HERC1: variants seen among roughly 807,000 people sequenced by gnomAD.
HERC1 encodes the protein HECT and RLD domain containing E3 ubiquitin protein ligase family member 1, also known as probable E3 ubiquitin-protein ligase HERC1.
A neutral mutation model predicts 554.3 loss-of-function variants in HERC1; 160 were observed. The observed-to-expected ratio is 0.29, with a 90% CI of 0.25 to 0.33. HERC1 has a LOEUF of 0.33. HERC1 is among the 10% of genes least tolerant of loss of function. The pLI, the probability that HERC1 is intolerant of heterozygous loss-of-function variation, is 1.00. For missense variants in HERC1, 4,919 were observed against 5,918.5 expected (o/e 0.83, Z 5.54); for synonymous variants, 2,175 against 2,131.7 (o/e 1.02, Z -0.56).
At chr15:63,724,642 TA>T (rs1596074102) in intron 18 of HERC1, among the ~76,000 whole-genome samples, 1 of 152,200 alleles carries the variant, frequency 6.6e-6, no homozygotes, top group African/African-American at 2.4e-5. Flanking sequence ...GTAGCCTGTC[TA>T]ATCCAAATCA....
chr15:63,710,371 C>T (rs1441473456), intron 24 of HERC1, among the ~76,000 whole-genome samples: 2 of 152,068 alleles, frequency 1.3e-5, no homozygotes, highest in Admixed American at 6.5e-5. Flanking sequence ...ACTCCAGAAA[C>T]AGGTAATAGG....
rs2070389072 is a variant in HERC1 at position 63,662,138 on chromosome 15, G to A, written c.8902-117C>T. Reference sequence around the variant, plus strand: ...ACATATGCTAGAATATTTCCAACATGTTCATTAATGCTAAATAAAAAATTT... The same window carrying A: ...ACATATGCTAGAATATTTCCAACATATTCATTAATGCTAAATAAAAAATTT... On this transcript the variant is annotated intron_variant, in intron 44 of 77. Transcript: ENST00000443617. 4 of 1,072,944 alleles carry A rather than the reference G, an allele frequency of 3.7e-6. No homozygotes were observed. The African/African-American group carries it at 4.8e-5, about 13-fold the overall frequency. 66.5% of individuals were successfully genotyped at this position (1,072,944 alleles called of 1,614,324 possible).
intron 31 of HERC1, among the ~76,000 whole-genome samples, chr15:63,691,617 T>A (rs562242199): frequency 6.6e-6 from 1 of 152,242 alleles, no homozygotes; most frequent in African/African-American, 2.4e-5. Flanking sequence ...TCTTGAAACT[T>A]AATATAAGCC....
At chr15:63,636,490 T>C (rs371470472) in intron 64 of HERC1, among the ~76,000 whole-genome samples, 1 of 152,174 alleles carries the variant, frequency 6.6e-6, no homozygotes, top group African/African-American at 2.4e-5. Context: ...AGGCTGGTCA[T>C]GAACTCCTGA....
chr15:63,770,178 G>A (rs1252605395), intron 2 of HERC1, among the ~76,000 whole-genome samples: 1 of 152,022 alleles, frequency 6.6e-6, no homozygotes, highest in Non-Finnish European at 1.5e-5. Flanking sequence ...CAATCGCTTT[G>A]TGAGCCTCTC....
At position 63,623,803 on chromosome 15, in the gene HERC1, C is replaced by T. The variant is rs765869181; in HGVS notation, c.13533G>A (p.Ala4511=). 2.9e-5 allele frequency: 46 copies of T among 1,613,762 alleles called. No individual in the cohort carries two copies. The Middle Eastern group carries it at 6.6e-4, about 23-fold the overall frequency. The change falls in exon 73 of 78, where the codon GCG becomes GCA. Residue 4511 remains alanine, a synonymous_variant. Coordinates refer to ENST00000443617, the MANE Select transcript of HERC1 (RefSeq NM_003922.4). ...CTTCTCCAACCAGCTTAACCTTCCA[C>T]GCTCGGGAAGGCAGGCGGAGGTCTG... ...NASDLRLPSR[A]WKVKLVGEGA... is the part of the protein sequence containing the mutation.
rs1247712698 is a variant in HERC1, at chr15:63,634,774, G to C, written c.12529C>G (p.Pro4177Ala). The C allele has an allele frequency of 1.9e-6, 3 of 1,613,310 alleles. No homozygotes were observed. The highest frequency in any genetic ancestry group is 8.5e-7 in the Non-Finnish European group (1 of 1,179,576). The change falls in exon 66 of 78, where the codon CCA (proline) becomes GCA (alanine). Residue 4177 changes from proline (P) to alanine (A), a missense_variant. Physicochemically the swap from Pro to Ala is conservative, Grantham distance 27 (BLOSUM62 -1). Transcript: ENST00000443617. ...CCCTCCAGTGCAGTCACTCTCTCTGGAAGTTTTTTGTTAGAGGTATTTCCA... is the reference window on the plus strand; with the variant it reads ...CCCTCCAGTGCAGTCACTCTCTCTGCAAGTTTTTTGTTAGAGGTATTTCCA... ...GLGNTSNKKL[P>A]ERVTALEGYQ...
At position 63,832,535 on chromosome 15, in the gene HERC1, C is replaced by A. The variant is rs539924034; in HGVS notation, c.-27+1292G>T. ...ACTATGAATAATCATAGTTTCTTTC[C>A]CTTCTACAAATACTGCCCCATTTTG... On this transcript the variant is annotated intron_variant, in intron 1 of 77. Coordinates refer to ENST00000443617, the MANE Select transcript of HERC1 (RefSeq NM_003922.4). Among the ~76,000 whole-genome samples, 171 of 152,258 alleles carry A rather than the reference C, an allele frequency of 1.1e-3. 1 individual carries two copies. Among genetic ancestry groups the A allele is most frequent in the Non-Finnish European group, 2.2e-3 (147 of 68,016 alleles).
intron 34 of HERC1, among the ~76,000 whole-genome samples, chr15:63,682,970 T>C (rs1027472958): frequency 2.0e-5 from 3 of 151,608 alleles, no homozygotes; most frequent in Non-Finnish European, 4.4e-5. Flanking sequence ...ACCTTATATC[T>C]ACTAAAAACA....
intron 34 of HERC1, among the ~76,000 whole-genome samples, chr15:63,684,394 T>C (rs991757724): frequency 2.0e-5 from 3 of 152,190 alleles, no homozygotes; most frequent in Admixed American, 1.3e-4. Flanking sequence ...TAAACCTATT[T>C]TGAAAAAAAT....
rs1425045157 is a variant in HERC1, at chr15:63,636,711, C to T, written c.12233-569G>A. On this transcript the variant is annotated intron_variant, in intron 64 of 77. Coordinates refer to ENST00000443617, the MANE Select transcript of HERC1 (RefSeq NM_003922.4). ...TTAATGACTGGCTATGCTCTAGCCACTCCTATAAATGCTTTACATGGATTA... is the reference window on the plus strand; with the variant it reads ...TTAATGACTGGCTATGCTCTAGCCATTCCTATAAATGCTTTACATGGATTA... 1.2e-4 allele frequency among the ~76,000 whole-genome samples: 18 copies of T among 152,330 alleles called. 1 individual carries two copies. Among genetic ancestry groups the T allele is most frequent in the Middle Eastern group, 6.8e-3 (2 of 294 alleles).
At chr15:63,709,147 C>T (rs1406707232) in intron 24 of HERC1, among the ~76,000 whole-genome samples, 1 of 151,448 alleles carries the variant, frequency 6.6e-6, no homozygotes, top group Non-Finnish European at 1.5e-5. Flanking sequence ...CCACAACACC[C>T]AGCTAATATA....
At chr15:63,728,939 T>C in intron 16 of HERC1, among the ~76,000 whole-genome samples, 1 of 145,132 alleles carries the variant, frequency 6.9e-6, no homozygotes, top group East Asian at 2.0e-4. Flanking sequence ...GAGCAGGTTT[T>C]AAAAAAAAAA....
At chr15:63,617,167 C>A (rs1011031345) in intron 74 of HERC1, among the ~76,000 whole-genome samples, 7 of 151,726 alleles carry the variant, frequency 4.6e-5, no homozygotes, top group African/African-American at 1.7e-4. Flanking sequence ...CCGCTCCCCT[C>A]ACCCCACAAC....
chr15:63,639,782 T>C (rs2068952549), intron 61 of HERC1, among the ~76,000 whole-genome samples: 1 of 152,194 alleles, frequency 6.6e-6, no homozygotes, highest in African/African-American at 2.4e-5. Context: ...ATGATTGAAA[T>C]GCCAAATAAA....
chr15:63,810,423 T>TA (rs147992883), intron 1 of HERC1, among the ~76,000 whole-genome samples: 17 of 149,000 alleles, frequency 1.1e-4, no homozygotes, highest in South Asian at 6.3e-4. Context: ...TGTGTAAAAA[T>TA]AAAAAAAAAG....
At chr15:63,804,589 A>G (rs2077082396) in intron 1 of HERC1, among the ~76,000 whole-genome samples, 1 of 152,150 alleles carries the variant, frequency 6.6e-6, no homozygotes, top group Non-Finnish European at 1.5e-5. Flanking sequence ...TGTCTCAAAA[A>G]AAAAAACAAC....
Position 63,716,380 on chromosome 15 carries a change from C to A in HERC1, c.4072G>T (p.Glu1358Ter). Residue 1358 changes from glutamate to a stop codon, truncating the protein, a stop_gained, in exon 22 of 78, where the codon GAG (glutamate) becomes TAG (stop). Transcript: ENST00000443617. LOFTEE classifies it high-confidence loss of function. ...GGATGCCCCTCTTCCCGGTCTCTCT[C>A]AGCCTGTTCTTCCATTTCAGCTTCT... ...DEEAEMEEQA[E>*]RDREEGHPEP... is the part of the protein sequence containing the mutation. 1 of 1,613,900 alleles carries A rather than the reference C, an allele frequency of 6.2e-7. No homozygotes were observed. Among genetic ancestry groups the A allele is most frequent in the Non-Finnish European group, 8.5e-7 (1 of 1,179,834 alleles).
intron 41 of HERC1, 60 bp downstream of exon 41, chr15:63,666,296 T>C (rs548344821): frequency 2.1e-6 from 3 of 1,411,076 alleles, no homozygotes; most frequent in African/African-American, 1.4e-5. Flanking sequence ...AGTTATGTTG[T>C]CTTTAATAAG....
Sources: allele counts gnomAD v4.1 joint callset (sites outside exome capture counted in the v4.1 genomes callset), GRCh38; gene constraint gnomAD v4.1.1; transcripts MANE v1.5; gene names NCBI Gene and HGNC (gene_info 2026-07-23, HGNC 2026-07-21).